Variants in SLC8A1 observed in about 807,000 individuals in gnomAD.
SLC8A1 encodes sodium/calcium exchanger 1.
Under a neutral mutation model 68.3 loss-of-function variants are expected in SLC8A1, and 18 were observed. The ratio of observed to expected loss-of-function variants is 0.26; its 90% CI spans 0.18 to 0.39. The LOEUF is 0.39. SLC8A1 is among the 10% of genes least tolerant of loss of function. The pLI, the probability that SLC8A1 is intolerant of heterozygous loss-of-function variation, is 1.00. For synonymous variants in SLC8A1, 475 were observed against 415.5 expected, an observed-to-expected ratio of 1.14 and a Z score of -1.74; for missense variants, 985 against 1,156.7, an observed-to-expected ratio of 0.85 and a Z score of 2.15.
rs1192384289 is a variant in SLC8A1 at position 40,170,694 on chromosome 2, A to G, written c.1930+4131T>C. ...TCAAGGTACCGCTTGCAGAAGCATC[A>G]TGGAACAACAAAAGGTATAGTGGCA... On this transcript the variant is annotated intron_variant, in intron 4 of 7. Transcript: ENST00000406785. Among the ~76,000 whole-genome samples the G allele has an allele frequency of 3.3e-5, 5 of 152,232 alleles. No individual in the cohort carries two copies. The East Asian group carries it at 9.6e-4, about 29-fold the overall frequency.
intron 2 of SLC8A1, among the ~76,000 whole-genome samples, chr2:40,222,811 C>A (rs998027597): frequency 6.6e-6 from 1 of 152,140 alleles, no homozygotes; most frequent in Admixed American, 6.5e-5. Context: ...ATCAAAGCCA[C>A]AATGAGATAC....
exon 8 of SLC8A1, chr2:40,101,464 C>G (rs191310518): frequency 6.6e-6 from 1 of 152,076 alleles, no homozygotes; most frequent in African/African-American, 2.4e-5. Flanking sequence ...TTTCTAGGCC[C>G]CGGGGAAGTC....
chr2:40,489,302 A>G (rs1705169884), intron 1 of SLC8A1, among the ~76,000 whole-genome samples: 2 of 152,164 alleles, frequency 1.3e-5, no homozygotes, highest in African/African-American at 4.8e-5. Flanking sequence ...CCAGGCTTAA[A>G]TGGGATTACA....
At chr2:40,318,383 C>G (rs1019660784) in intron 2 of SLC8A1, among the ~76,000 whole-genome samples, 2 of 152,026 alleles carry the variant, frequency 1.3e-5, no homozygotes, top group African/African-American at 4.8e-5. Context: ...TTAGTTTTGA[C>G]TCACACTTAC....
chr2:40,474,384 A>G (rs555202665), intron 1 of SLC8A1, among the ~76,000 whole-genome samples: 1 of 152,292 alleles, frequency 6.6e-6, no homozygotes, highest in Non-Finnish European at 1.5e-5. Context: ...CTCTTGGACA[A>G]AAACATAAAT....
intron 2 of SLC8A1, among the ~76,000 whole-genome samples, chr2:40,229,643 T>C (rs2059402356): frequency 6.6e-6 from 1 of 152,146 alleles, no homozygotes; most frequent in African/African-American, 2.4e-5. Context: ...ATGTGCATCA[T>C]CTCCACGTTC....
chr2:40,366,817 T>C (rs1468580468), intron 2 of SLC8A1, among the ~76,000 whole-genome samples: 2 of 151,972 alleles, frequency 1.3e-5, no homozygotes, highest in Non-Finnish European at 2.9e-5. Context: ...GAAAATATAC[T>C]TTACATTTTA....
intron 1 of SLC8A1, among the ~76,000 whole-genome samples, chr2:40,496,140 CCAAAT>C (rs1209400790): frequency 6.6e-6 from 1 of 151,958 alleles, no homozygotes; most frequent in Non-Finnish European, 1.5e-5. Context: ...AATACAAAGC[CCAAAT>C]CAAACTTCAG....
chr2:40,279,644 C>G (rs543549096), intron 2 of SLC8A1, among the ~76,000 whole-genome samples: 4 of 152,200 alleles, frequency 2.6e-5, no homozygotes, highest in Non-Finnish European at 4.4e-5. Context: ...TCTGGCATAT[C>G]TCTTCCCAAG....
intron 6 of SLC8A1, among the ~76,000 whole-genome samples, chr2:40,146,639 G>GCCCCACC (rs199542049): frequency 1.3e-5 from 2 of 151,420 alleles, no homozygotes; most frequent in African/African-American, 4.9e-5. Context: ...GGGATGGGAG[G>GCCCCACC]CAGTGAAAGA....
intron 2 of SLC8A1, among the ~76,000 whole-genome samples, chr2:40,321,643 G>T (rs532245829): frequency 9.2e-5 from 14 of 152,196 alleles, no homozygotes; most frequent in African/African-American, 2.4e-4. Context: ...TGGCATAAAG[G>T]AGAAGTGCCG....
At chr2:40,433,240 A>G (rs1223509718) in intron 1 of SLC8A1, among the ~76,000 whole-genome samples, 1 of 152,100 alleles carries the variant, frequency 6.6e-6, no homozygotes, top group Non-Finnish European at 1.5e-5. Flanking sequence ...GCTTTCTAAG[A>G]CCTTTTATGA....
rs140483969 is a variant in SLC8A1 at position 40,239,661 on chromosome 2, C to A, written c.1809-61806G>T. 3.0e-3 allele frequency among the ~76,000 whole-genome samples: 461 copies of A among 152,172 alleles called. 6 individuals are homozygous for A. The highest frequency in any genetic ancestry group is 0.011 in the African/African-American group (445 of 41,518). On this transcript the variant is annotated intron_variant, in intron 2 of 7. Coordinates refer to ENST00000406785, the Ensembl canonical transcript of SLC8A1. ...GTGCATTCTACTCCAGCCTGGGCAA[C>A]AGAGCAAGACTCTGTCTCAAAAAAA...
exon 8 of SLC8A1, chr2:40,111,193 G>A (rs2034534461): frequency 6.6e-6 from 1 of 152,122 alleles, no homozygotes; most frequent in Admixed American, 6.5e-5. Flanking sequence ...GTTGAAGGAT[G>A]GAATCAGGAA....
At chr2:40,459,370 T>A (rs184171980) in intron 1 of SLC8A1, among the ~76,000 whole-genome samples, 71 of 151,786 alleles carry the variant, frequency 4.7e-4, no homozygotes, top group East Asian at 3.3e-3. Flanking sequence ...GACAGTATAT[T>A]TTTTTTTGTT....
chr2:40,260,952 C>T (rs1322341481), intron 2 of SLC8A1, among the ~76,000 whole-genome samples: 1 of 152,092 alleles, frequency 6.6e-6, no homozygotes, highest in Non-Finnish European at 1.5e-5. Context: ...GATGGAATTA[C>T]TCAATGTAGC....
intron 1 of SLC8A1, chr2:40,512,240 T>C (rs1355950727): frequency 6.6e-6 from 1 of 152,278 alleles, no homozygotes; most frequent in Admixed American, 6.5e-5. Flanking sequence ...TTTGTTTTTC[T>C]TTTCAAAATA....
chr2:40,227,416 A>C (rs1050991721), intron 2 of SLC8A1, among the ~76,000 whole-genome samples: 3 of 152,056 alleles, frequency 2.0e-5, no homozygotes, highest in Non-Finnish European at 4.4e-5. Flanking sequence ...CATCCTTTGC[A>C]GGGACACGGG....
At chr2:40,202,218 A>C (rs1429652548) in intron 2 of SLC8A1, among the ~76,000 whole-genome samples, 1 of 151,948 alleles carries the variant, frequency 6.6e-6, no homozygotes, top group Non-Finnish European at 1.5e-5. Flanking sequence ...GGATCTATGA[A>C]CAATTTTTTA....
Sources: allele counts gnomAD v4.1 joint callset (sites outside exome capture counted in the v4.1 genomes callset), GRCh38; gene constraint gnomAD v4.1.1; transcripts MANE v1.5; gene names NCBI Gene and HGNC (gene_info 2026-07-23, HGNC 2026-07-21).